Variants in PRKG2 observed in about 807,000 individuals in gnomAD.
PRKG2 encodes the protein protein kinase cGMP-dependent 2, also known as cGMP-dependent protein kinase 2.
PRKG2 carries 33 observed loss-of-function variants against 97.2 expected under a neutral mutation model. The ratio of observed to expected loss-of-function variants is 0.34; its 90% CI spans 0.26 to 0.45. The LOEUF is 0.45. PRKG2 is among the 20% of genes least tolerant of loss of function. The probability of loss-of-function intolerance (pLI) is 1.00; values close to 1 mark genes in which losing one functional copy is unlikely to be tolerated. For synonymous variants in PRKG2, 330 were observed against 321.8 expected (o/e 1.03, Z -0.27); for missense variants, 638 against 900.0 (o/e 0.71, Z 3.73).
At chr4:81,132,117 C>T (rs1218263639) in intron 14 of PRKG2, among the ~76,000 whole-genome samples, 1 of 150,922 alleles carries the variant, frequency 6.6e-6, no homozygotes, top group East Asian at 1.9e-4. Context: ...ATGTAAAGGT[C>T]TCATACTTTT....
intron 6 of PRKG2, among the ~76,000 whole-genome samples, chr4:81,158,460 C>T (rs934705987): frequency 3.6e-5 from 5 of 140,688 alleles, no homozygotes; most frequent in African/African-American, 1.6e-4. Context: ...AGGATACAAA[C>T]AAATGGAACA....
intron 17 of PRKG2, among the ~76,000 whole-genome samples, chr4:81,094,811 A>G (rs1211378259): frequency 6.6e-6 from 1 of 152,094 alleles, no homozygotes; most frequent in Non-Finnish European, 1.5e-5. Context: ...GATGTCTGAG[A>G]AAGAGCCAGA....
intron 14 of PRKG2, among the ~76,000 whole-genome samples, chr4:81,122,789 A>G (rs887359398): frequency 5.3e-5 from 8 of 152,222 alleles, no homozygotes; most frequent in African/African-American, 1.7e-4. Flanking sequence ...AGTCATTCTT[A>G]TAAGACATTG....
chr4:81,124,026 T>C (rs1287672678), intron 14 of PRKG2, among the ~76,000 whole-genome samples: 4 of 152,194 alleles, frequency 2.6e-5, no homozygotes, highest in African/African-American at 9.6e-5. Flanking sequence ...GTAACATGTT[T>C]ACCATTTCTT....
chr4:81,175,786 C>T (rs763876448), intron 2 of PRKG2, among the ~76,000 whole-genome samples: 2 of 152,098 alleles, frequency 1.3e-5, no homozygotes, highest in African/African-American at 2.4e-5. Flanking sequence ...AAGATAGCTA[C>T]CCAATCTTCA....
At chr4:81,189,459 T>C (rs925395391) in intron 2 of PRKG2, among the ~76,000 whole-genome samples, 2 of 141,200 alleles carry the variant, frequency 1.4e-5, no homozygotes, top group Admixed American at 1.3e-4. Context: ...ATGTCCTTTG[T>C]AGGGACATGG....
intron 1 of PRKG2, among the ~76,000 whole-genome samples, 162 bp downstream of exon 1, chr4:81,214,774 C>T (rs757534714): frequency 4.6e-5 from 7 of 152,204 alleles, no homozygotes; most frequent in Non-Finnish European, 8.8e-5. Flanking sequence ...CGCGTACACA[C>T]GTCCACACTC....
rs1451261429 is a variant in PRKG2 at position 81,089,784 on chromosome 4, T to G, written c.2213A>C (p.His738Pro). Residue 738 changes from histidine (H) to proline (P), a missense_variant, in exon 19 of 19, where the codon CAC becomes CCC. By Grantham distance (77) the His-to-Pro change is moderately conservative (BLOSUM62 -2). Coordinates refer to ENST00000264399, the MANE Select transcript of PRKG2 (RefSeq NM_006259.3). ...LQRELKGPID[H>P]SYFDKYPPEK... The stretch of plus-strand genomic sequence containing the variant: ...AGGAGGATATTTGTCAAAGTAGCTG[T>G]GATCTATGGGTCCCTTGAGCTAATA... The G allele has an allele frequency of 6.2e-7, 1 of 1,610,552 alleles. No homozygotes were observed. Among genetic ancestry groups the G allele is most frequent in the Non-Finnish European group, 8.5e-7 (1 of 1,176,742 alleles).
At position 81,194,459 on chromosome 4, in the gene PRKG2, C is replaced by G. The variant is rs185308512; in HGVS notation, c.461+10128G>C. Among the ~76,000 whole-genome samples the G allele has an allele frequency of 3.0e-4, 45 of 150,760 alleles. No individual in the cohort carries two copies. The East Asian group carries it at 8.0e-3, about 27-fold the overall frequency. The stretch of plus-strand genomic sequence containing the variant: ...TTTATAATTTGAGAAACTAGCGTGA[C>G]AAAAATGAGGTCATCCCATGGATGT... On this transcript the variant is annotated intron_variant, in intron 2 of 18. Coordinates refer to ENST00000264399, the MANE Select transcript of PRKG2 (RefSeq NM_006259.3).
upstream of PRKG2, among the ~76,000 whole-genome samples, chr4:81,216,715 C>G (rs1754283999): frequency 6.6e-6 from 1 of 152,016 alleles, no homozygotes. Context: ...TCCCCAGTGT[C>G]TGTTATTCCA....
chr4:81,182,933 T>C (rs12331821), intron 2 of PRKG2, among the ~76,000 whole-genome samples: 36,341 of 151,994 alleles, frequency 0.24, 8,454 homozygotes, highest in African/African-American at 0.59. Context: ...GAAGACTATA[T>C]TTTTAATTAT....
intron 14 of PRKG2, among the ~76,000 whole-genome samples, chr4:81,113,363 AC>A (rs869049026): frequency 6.4e-4 from 92 of 144,826 alleles, no homozygotes; most frequent in South Asian, 1.8e-3. Flanking sequence ...CAAGAAGAGC[AC>A]CCCCCCTTTT....
At position 81,110,569 on chromosome 4, in the gene PRKG2, T is replaced by C. The variant is rs1560543829; in HGVS notation, c.1819A>G (p.Thr607Ala). The change falls in exon 15 of 19, where the codon ACA (threonine) becomes GCA (alanine). Residue 607 changes from threonine to alanine, a missense_variant. Physicochemically the swap from Thr to Ala is moderately conservative, Grantham distance 58. This residue lies in a region of PRKG2 where 304 missense variants were observed against 460.5 expected (regional missense o/e 0.66). Transcript: ENST00000264399. ...FAKKIGSGQK[T>A]WTFCGTPEYV... ...TCTGGAGTCCCACAGAATGTCCATGTTTTCTGTCCAGACCCTATTTTCTTC... is the reference window on the plus strand; with the variant it reads ...TCTGGAGTCCCACAGAATGTCCATGCTTTCTGTCCAGACCCTATTTTCTTC... 6.2e-7 allele frequency: 1 copy of C among 1,613,620 alleles called. No individual in the cohort carries two copies. The highest frequency in any genetic ancestry group is 8.5e-7 in the Non-Finnish European group (1 of 1,179,914).
chr4:81,113,824 G>A (rs1490272927), intron 14 of PRKG2, among the ~76,000 whole-genome samples: 1 of 152,100 alleles, frequency 6.6e-6, no homozygotes, highest in Non-Finnish European at 1.5e-5. Flanking sequence ...AATGGAATCT[G>A]TTTAACCTGT....
chr4:81,131,548 A>G (rs1355826479), intron 14 of PRKG2, among the ~76,000 whole-genome samples: 3 of 152,210 alleles, frequency 2.0e-5, no homozygotes, highest in Non-Finnish European at 4.4e-5. Flanking sequence ...ATGTAAATAT[A>G]TATTGCAAAT....
intron 5 of PRKG2, among the ~76,000 whole-genome samples, chr4:81,168,090 T>C (rs1293417562): frequency 6.6e-6 from 1 of 152,082 alleles, no homozygotes; most frequent in Non-Finnish European, 1.5e-5. Context: ...ATTCCCCTAA[T>C]ATATCTCACT....
At chr4:81,191,776 A>G (rs181781651) in intron 2 of PRKG2, among the ~76,000 whole-genome samples, 1 of 152,278 alleles carries the variant, frequency 6.6e-6, no homozygotes, top group East Asian at 1.9e-4. Flanking sequence ...GAAAACTAAA[A>G]GGACACTGAG....
At position 81,171,784 on chromosome 4, in the gene PRKG2, G is replaced by C; in HGVS notation, c.649C>G (p.Gln217Glu). 1 of 1,609,422 alleles carries C rather than the reference G, an allele frequency of 6.2e-7. No individual in the cohort carries two copies. Among genetic ancestry groups the C allele is most frequent in the South Asian group, 1.1e-5 (1 of 90,300 alleles). Residue 217 changes from glutamine (Q) to glutamate (E), a missense_variant, in exon 4 of 19, where the codon CAA becomes GAA. Around this residue, in one of 3 missense-constraint regions of PRKG2, gnomAD observed 332 missense variants for 421.7 expected, o/e 0.79. Coordinates refer to ENST00000264399, the MANE Select transcript of PRKG2 (RefSeq NM_006259.3). Reference protein sequence around the residue: ...VLAEGRLEVFQGEKLLSSIPM... With the variant: ...VLAEGRLEVFEGEKLLSSIPM... ...ATGGAGGACAGCAATTTCTCCCCTTGGAACACCTCTAGTCGACCCTCTATC... is the reference window on the plus strand; with the variant it reads ...ATGGAGGACAGCAATTTCTCCCCTTCGAACACCTCTAGTCGACCCTCTATC...
chr4:81,192,884 C>A (rs191769078), intron 2 of PRKG2, among the ~76,000 whole-genome samples: 2 of 152,200 alleles, frequency 1.3e-5, no homozygotes, highest in Non-Finnish European at 2.9e-5. Flanking sequence ...CCAACTTACA[C>A]AGTCAACATT....
Sources: allele counts gnomAD v4.1 joint callset (sites outside exome capture counted in the v4.1 genomes callset), GRCh38; gene constraint gnomAD v4.1.1; regional missense constraint gnomAD v4.1.1; transcripts MANE v1.5; gene names NCBI Gene and HGNC (gene_info 2026-07-23, HGNC 2026-07-21).